Variants in SMAD9 observed in about 807,000 individuals in gnomAD.
The protein encoded by SMAD9 is MAD homolog 9.
Under a neutral mutation model 46.1 loss-of-function variants are expected in SMAD9, and 36 were observed. The observed-to-expected ratio is 0.78, with a 90% confidence interval of 0.60 to 1.03. The LOEUF (loss-of-function observed/expected upper bound fraction) is 1.03, where lower values mean the gene tolerates loss of function less well. Ranked by LOEUF, SMAD9 falls within the 50% of genes least tolerant of loss-of-function variation. The pLI, the probability that SMAD9 is intolerant of heterozygous loss-of-function variation, is 0.00. For synonymous variants in SMAD9, 245 were observed against 237.1 expected, an observed-to-expected ratio of 1.03 and a Z score of -0.31; for missense variants, 572 against 599.8, an observed-to-expected ratio of 0.95 and a Z score of 0.48.
At chr13:36,898,974 T>G (rs1455863494) in intron 1 of SMAD9, among the ~76,000 whole-genome samples, 1 of 152,164 alleles carries the variant, frequency 6.6e-6, no homozygotes, top group Non-Finnish European at 1.5e-5. Context: ...ATGAAAAATT[T>G]TCTGTATTCA....
intron 5 of SMAD9, among the ~76,000 whole-genome samples, chr13:36,855,566 C>A (rs571960917): frequency 6.6e-6 from 1 of 152,102 alleles, no homozygotes; most frequent in South Asian, 2.1e-4. Flanking sequence ...CCAGAATATA[C>A]TTATATATTT....
chr13:36,878,941 T>C (rs1414629289), intron 2 of SMAD9, among the ~76,000 whole-genome samples: 1 of 152,196 alleles, frequency 6.6e-6, no homozygotes, highest in Non-Finnish European at 1.5e-5. Flanking sequence ...TGAAATCAAA[T>C]GAAAATATCT....
intron 5 of SMAD9, among the ~76,000 whole-genome samples, chr13:36,856,072 C>G (rs2058120978): frequency 6.6e-6 from 1 of 152,178 alleles, no homozygotes; most frequent in Non-Finnish European, 1.5e-5. Context: ...TCCTAACTGG[C>G]TGGGAGAGTT....
At chr13:36,889,408 C>G (rs2058472423) in intron 1 of SMAD9, among the ~76,000 whole-genome samples, 1 of 152,178 alleles carries the variant, frequency 6.6e-6, no homozygotes, top group Non-Finnish European at 1.5e-5. Context: ...ACAATCCATT[C>G]ATCACGAGCT....
intron 1 of SMAD9, among the ~76,000 whole-genome samples, chr13:36,918,751 T>A (rs937444415): frequency 6.6e-6 from 1 of 152,232 alleles, no homozygotes; most frequent in Admixed American, 6.5e-5. Context: ...TTCTTAAATA[T>A]AGATCACTAT....
At chr13:36,865,506 A>G (rs570886521) in intron 5 of SMAD9, 31 bp downstream of exon 5, 9 of 1,571,422 alleles carry the variant, frequency 5.7e-6, no homozygotes, top group Non-Finnish European at 7.9e-6. Context: ...TTTCGGCTAG[A>G]TGACTAAAGG....
intron 3 of SMAD9, among the ~76,000 whole-genome samples, chr13:36,868,468 A>G (rs183180320): frequency 6.6e-6 from 1 of 152,334 alleles, no homozygotes; most frequent in East Asian, 1.9e-4. Context: ...GGCTGAGCAC[A>G]GTGGCTCACA....
chr13:36,850,914 T>A (rs1431177216), intron 6 of SMAD9, among the ~76,000 whole-genome samples: 1 of 152,110 alleles, frequency 6.6e-6, no homozygotes, highest in Non-Finnish European at 1.5e-5. Flanking sequence ...TTCCTCTTTT[T>A]CTCCCACGCC....
At chr13:36,891,837 T>A (rs771652926) in intron 1 of SMAD9, among the ~76,000 whole-genome samples, 6 of 152,228 alleles carry the variant, frequency 3.9e-5, no homozygotes, top group Non-Finnish European at 7.3e-5. Flanking sequence ...TCCTTCCATC[T>A]GGCATCTGTT....
chr13:36,887,703 G>A (rs1432969087), intron 1 of SMAD9, among the ~76,000 whole-genome samples: 1 of 152,100 alleles, frequency 6.6e-6, no homozygotes, highest in Admixed American at 6.5e-5. Flanking sequence ...GGCTTCTGGA[G>A]AGAATCTTAC....
chr13:36,888,225 G>A (rs1267466303), intron 1 of SMAD9, among the ~76,000 whole-genome samples: 1 of 152,198 alleles, frequency 6.6e-6, no homozygotes, highest in Non-Finnish European at 1.5e-5. Flanking sequence ...CTGGTGGGAG[G>A]TGATTAGATC....
intron 1 of SMAD9, among the ~76,000 whole-genome samples, chr13:36,885,079 T>C (rs776901413): frequency 1.2e-4 from 19 of 152,242 alleles, no homozygotes; most frequent in Admixed American, 3.9e-4. Context: ...TACCTTGGTA[T>C]CTATAAGACA....
At chr13:36,889,756 T>C (rs991067332) in intron 1 of SMAD9, among the ~76,000 whole-genome samples, 1 of 152,166 alleles carries the variant, frequency 6.6e-6, no homozygotes, top group Non-Finnish European at 1.5e-5. Flanking sequence ...GATTATCAAT[T>C]ACAAAATGTA....
intron 1 of SMAD9, among the ~76,000 whole-genome samples, chr13:36,890,319 C>A (rs1046610155): frequency 6.6e-6 from 1 of 152,160 alleles, no homozygotes; most frequent in Non-Finnish European, 1.5e-5. Context: ...TGAAGAATAT[C>A]ACTGTTAAGC....
chr13:36,856,871 C>T (rs575114168), intron 5 of SMAD9, among the ~76,000 whole-genome samples: 21 of 147,870 alleles, frequency 1.4e-4, no homozygotes, highest in African/African-American at 4.8e-4. Context: ...GGCGCGATCT[C>T]GGCTCACTGC....
chr13:36,879,721 G>A lies in SMAD9; in HGVS notation c.-32C>T. The A allele has an allele frequency of 6.2e-7, 1 of 1,611,842 alleles. No homozygotes were observed. Among genetic ancestry groups the A allele is most frequent in the South Asian group, 1.1e-5 (1 of 90,978 alleles). On this transcript the variant is annotated 5_prime_UTR_variant, in exon 2 of 7. Transcript: ENST00000379826. ...CCACAGCAGGCTCCGGCGCGCACGG[G>A]AACCGCACAGCCCTTCACGGCAAAG... is the stretch of plus-strand genomic sequence containing the variant.
intron 5 of SMAD9, among the ~76,000 whole-genome samples, chr13:36,861,081 TA>T (rs2058176879): frequency 6.6e-6 from 1 of 152,152 alleles, no homozygotes; most frequent in African/African-American, 2.4e-5. Context: ...CCAGCCCCTC[TA>T]CCTCAGGGAC....
chr13:36,900,313 C>T (rs1183904255), intron 1 of SMAD9, among the ~76,000 whole-genome samples: 1 of 152,004 alleles, frequency 6.6e-6, no homozygotes, highest in African/African-American at 2.4e-5. Context: ...TGGAGTCTTA[C>T]TCTGTCATCC....
intron 2 of SMAD9, among the ~76,000 whole-genome samples, chr13:36,875,679 C>T (rs1421780374): frequency 6.6e-6 from 1 of 152,174 alleles, no homozygotes; most frequent in Admixed American, 6.5e-5. Flanking sequence ...TAACGATGTT[C>T]AAGTAAACAC....
Sources: allele counts gnomAD v4.1 joint callset (sites outside exome capture counted in the v4.1 genomes callset), GRCh38; gene constraint gnomAD v4.1.1; transcripts MANE v1.5; gene names NCBI Gene and HGNC (gene_info 2026-07-23, HGNC 2026-07-21).